Variants in QSER1 observed in about 807,000 individuals in gnomAD.
QSER1 encodes glutamine and serine rich 1.
Under a neutral mutation model 158.5 loss-of-function variants are expected in QSER1, and 49 were observed. The observed-to-expected ratio is 0.31, with a 90% CI of 0.25 to 0.39. The LOEUF (loss-of-function observed/expected upper bound fraction) is 0.39, where lower values mean the gene tolerates loss of function less well. Ranked by LOEUF, QSER1 falls within the 10% of genes least tolerant of loss-of-function variation. The probability of loss-of-function intolerance (pLI) is 1.00; values close to 1 mark genes in which losing one functional copy is unlikely to be tolerated. For missense variants in QSER1, 1,754 were observed against 2,010.3 expected (o/e 0.87, Z 2.44); for synonymous variants, 650 against 715.5 (o/e 0.91, Z 1.46).
At chr11:32,943,794 G>T (rs889508960) in intron 4 of QSER1, among the ~76,000 whole-genome samples, 1 of 152,200 alleles carries the variant, frequency 6.6e-6, no homozygotes, top group Non-Finnish European at 1.5e-5. Context: ...GATTGCAATA[G>T]TTTCAGAAGG....
intron 1 of QSER1, among the ~76,000 whole-genome samples, chr11:32,898,476 A>C (rs1042385871): frequency 7.6e-6 from 1 of 132,222 alleles, no homozygotes; most frequent in African/African-American, 2.8e-5. Context: ...ACAGAGTGAG[A>C]ACCTGTCACA....
intron 1 of QSER1, among the ~76,000 whole-genome samples, chr11:32,913,317 A>C (rs1851792590): frequency 6.7e-6 from 1 of 149,490 alleles, no homozygotes; most frequent in South Asian, 2.1e-4. Context: ...CAGCCTCCCG[A>C]GTAGCTGGGA....
At chr11:32,903,586 G>A (rs1245532850) in intron 1 of QSER1, among the ~76,000 whole-genome samples, 2 of 151,520 alleles carry the variant, frequency 1.3e-5, no homozygotes, top group Non-Finnish European at 2.9e-5. Flanking sequence ...GGGTGCTTCA[G>A]TAAGTTTTTT....
chr11:32,969,674 T>A (rs1324975482), intron 10 of QSER1, among the ~76,000 whole-genome samples: 4 of 148,958 alleles, frequency 2.7e-5, no homozygotes, highest in African/African-American at 4.9e-5. Context: ...CTAGCTTTTT[T>A]TCTTTTCTTT....
chr11:32,970,214 A>T (rs1327501730), intron 10 of QSER1, among the ~76,000 whole-genome samples: 1 of 152,224 alleles, frequency 6.6e-6, no homozygotes, highest in African/African-American at 2.4e-5. Flanking sequence ...TGTAAAAGTG[A>T]GTATTGACTT....
intron 12 of QSER1, chr11:32,975,572 A>G: frequency 7.4e-7 from 1 of 1,354,650 alleles, no homozygotes; most frequent in Non-Finnish European, 9.6e-7. Context: ...ATAATTGGTA[A>G]TGTTTTGAAG....
chr11:32,957,611 A>G (rs930498101), intron 7 of QSER1, among the ~76,000 whole-genome samples: 3 of 152,212 alleles, frequency 2.0e-5, no homozygotes, highest in Non-Finnish European at 2.9e-5. Context: ...AAGGAGGGCA[A>G]TGAAGAAGTA....
intron 1 of QSER1, among the ~76,000 whole-genome samples, chr11:32,906,412 A>G (rs1192992568): frequency 6.6e-6 from 1 of 152,072 alleles, no homozygotes; most frequent in Non-Finnish European, 1.5e-5. Context: ...AACAAGAGCA[A>G]AACTCCGTTT....
At chr11:32,926,467 G>A (rs879694632) in intron 1 of QSER1, among the ~76,000 whole-genome samples, 2 of 152,158 alleles carry the variant, frequency 1.3e-5, no homozygotes, top group Non-Finnish European at 2.9e-5. Flanking sequence ...TGTGTGTATA[G>A]AGGAAAATAA....
chr11:32,974,721 T>C (rs2133617153), intron 11 of QSER1, among the ~76,000 whole-genome samples: 1 of 152,272 alleles, frequency 6.6e-6, no homozygotes, highest in South Asian at 2.1e-4. Flanking sequence ...ATATAGTTTG[T>C]ATTTGGGGAG....
In QSER1 at chr11:32,946,672, G is replaced by A. The variant is rs1004900683; in HGVS notation, c.4178-7185G>A. On this transcript the variant is annotated intron_variant, in intron 4 of 12. Transcript: ENST00000650167. ...GACATTTAAGTCTGCAGAGGTTACT[G>A]CTGTCTTTTTGTTTGTCTGTACCCT... Among the ~76,000 whole-genome samples the A allele has an allele frequency of 1.7e-3, 253 of 152,260 alleles. 2 individuals are homozygous for A. The highest frequency in any genetic ancestry group is 9.5e-3 in the Admixed American group (146 of 15,296).
chr11:32,929,306 T>A (rs1852015018), intron 3 of QSER1, among the ~76,000 whole-genome samples: 2 of 152,094 alleles, frequency 1.3e-5, no homozygotes, highest in Non-Finnish European at 2.9e-5. Flanking sequence ...GAGACGGGGT[T>A]TCACCACATT....
chr11:32,934,203 ATATCT>A lies in QSER1; in HGVS notation c.2948_2952del (p.Ile983SerfsTer13), dbSNP rs1450970733. 1.2e-6 allele frequency: 2 copies of A among 1,613,810 alleles called. No individual in the cohort carries two copies. The highest frequency in any genetic ancestry group is 1.7e-6 in the Non-Finnish European group (2 of 1,179,952). ...AGAAATATTTTATCAAATGTAGATGATATCTTAGCAGCTACAGCAGCAGCTTGTGG... is the reference window on the plus strand; with the variant it reads ...AGAAATATTTTATCAAATGTAGATGATAGCAGCTACAGCAGCAGCTTGTGG... On this transcript the variant is annotated frameshift_variant, in exon 4 of 13. Transcript: ENST00000650167. LOFTEE classifies it high-confidence loss of function.
intron 1 of QSER1, among the ~76,000 whole-genome samples, chr11:32,905,530 AG>A (rs150525270): frequency 0.038 from 5,736 of 152,312 alleles, 368 homozygotes; most frequent in African/African-American, 0.13. Context: ...GGAATTAAGT[AG>A]AACTGTGCCT....
intron 1 of QSER1, among the ~76,000 whole-genome samples, chr11:32,895,155 C>CTTGAA (rs1281916183): frequency 6.6e-6 from 1 of 152,178 alleles, no homozygotes; most frequent in African/African-American, 2.4e-5. Flanking sequence ...CCCAAACACA[C>CTTGAA]TTGAAAACAG....
At chr11:32,918,181 A>T (rs1851859460) in intron 1 of QSER1, among the ~76,000 whole-genome samples, 1 of 152,162 alleles carries the variant, frequency 6.6e-6, no homozygotes, top group African/African-American at 2.4e-5. Flanking sequence ...GTAATTATTT[A>T]TGACTACCTG....
At position 32,979,818 on chromosome 11, in the gene QSER1, G is replaced by C. The variant is rs902675846; in HGVS notation, c.*3344G>C. 2 of 152,114 alleles carry C rather than the reference G, an allele frequency of 1.3e-5. No individual in the cohort carries two copies. The highest frequency in any genetic ancestry group is 4.8e-5 in the African/African-American group (2 of 41,420). 9.4% of individuals were successfully genotyped at this position (152,114 alleles called of 1,614,324 possible). ...TACCTATAAAACCAATATAACAGCA[G>C]GGTTATTGAAGCAGCTTTCTCAAAT... is the stretch of plus-strand genomic sequence containing the variant. On this transcript the variant is annotated 3_prime_UTR_variant, in exon 13 of 13. Coordinates refer to ENST00000650167, the MANE Select transcript of QSER1 (RefSeq NM_001076786.3).
rs537332686 is a variant in QSER1, at chr11:32,952,747, CTTTT to C, written c.4178-1100_4178-1097del. Among the ~76,000 whole-genome samples, 429 of 129,518 alleles carry C rather than the reference CTTTT, an allele frequency of 3.3e-3. 4 individuals are homozygous for C. Among genetic ancestry groups the C allele is most frequent in the African/African-American group, 0.011 (396 of 35,492 alleles). The allele number at this position is 129,518 out of a possible 152,430, so 85.0% of individuals were successfully genotyped here. On this transcript the variant is annotated intron_variant, in intron 4 of 12. Coordinates refer to ENST00000650167, the MANE Select transcript of QSER1 (RefSeq NM_001076786.3). The stretch of plus-strand genomic sequence containing the variant: ...TTCTTTGTGGGATGTTTTAAAATTA[CTTTT>C]TTTTTTTTTACTTTGTATTGGGGTA...
chr11:32,908,153 A>G (rs1851717689), intron 1 of QSER1, among the ~76,000 whole-genome samples: 1 of 152,188 alleles, frequency 6.6e-6, no homozygotes, highest in Non-Finnish European at 1.5e-5. Context: ...ATAAGGGGAA[A>G]ACTTGGGACC....
Sources: gnomAD v4.1 joint callset for allele counts (sites outside exome capture counted in the v4.1 genomes callset) on GRCh38, gnomAD v4.1.1 for gene constraint, MANE v1.5 for transcripts, NCBI Gene and HGNC (gene_info 2026-07-23, HGNC 2026-07-21) for gene names.